The following CTNNA3 variants were observed in gnomAD, a reference collection of about 807,000 sequenced individuals.
The protein encoded by CTNNA3 is catenin alpha 3, also known as catenin alpha-3.
A neutral mutation model predicts 95.7 loss-of-function variants in CTNNA3; 76 were observed. The ratio of observed to expected loss-of-function variants is 0.79; its 90% CI spans 0.66 to 0.96. CTNNA3 has a LOEUF of 0.96. Ranked by LOEUF, CTNNA3 falls within the 40% of genes least tolerant of loss-of-function variation. CTNNA3 has a pLI of 0.00. For missense variants in CTNNA3, 1,191 were observed against 1,089.8 expected, an observed-to-expected ratio of 1.09 and a Z score of -1.31; for synonymous variants, 431 against 374.4, an observed-to-expected ratio of 1.15 and a Z score of -1.74.
At chr10:67,499,276 A>G (rs748879125) in intron 5 of CTNNA3, among the ~76,000 whole-genome samples, 2 of 152,218 alleles carry the variant, frequency 1.3e-5, no homozygotes, top group Non-Finnish European at 2.9e-5. Flanking sequence ...CATCCCAGGT[A>G]TGAAGCCGAC....
chr10:66,399,396 AG>A (rs1362569931), intron 11 of CTNNA3, among the ~76,000 whole-genome samples: 1 of 151,932 alleles, frequency 6.6e-6, no homozygotes, highest in Non-Finnish European at 1.5e-5. Flanking sequence ...AAACCACAAG[AG>A]ATATATAATA....
intron 13 of CTNNA3, among the ~76,000 whole-genome samples, chr10:66,155,413 T>C (rs1010111693): frequency 2.0e-5 from 3 of 151,826 alleles, no homozygotes; most frequent in Non-Finnish European, 2.9e-5. Context: ...TAAACTAAAC[T>C]TCATGTCACA....
chr10:66,047,231 C>CA (rs904820622), intron 15 of CTNNA3, among the ~76,000 whole-genome samples: 3 of 152,124 alleles, frequency 2.0e-5, no homozygotes, highest in African/African-American at 7.2e-5. Context: ...AAATCCTCAA[C>CA]AAAATACTTG....
intron 5 of CTNNA3, among the ~76,000 whole-genome samples, chr10:67,323,012 A>T (rs1841387862): frequency 6.6e-6 from 1 of 152,084 alleles, no homozygotes; most frequent in African/African-American, 2.4e-5. Flanking sequence ...GGCCACATGT[A>T]TGTCTTATTT....
intron 5 of CTNNA3, among the ~76,000 whole-genome samples, chr10:67,234,503 G>C (rs1865364704): frequency 1.3e-5 from 2 of 152,118 alleles, no homozygotes; most frequent in African/African-American, 4.8e-5. Flanking sequence ...GGTATTGATG[G>C]GGCGTATTTC....
At chr10:67,101,362 TA>T (rs1858327243) in intron 7 of CTNNA3, among the ~76,000 whole-genome samples, 1 of 151,794 alleles carries the variant, frequency 6.6e-6, no homozygotes, top group Non-Finnish European at 1.5e-5. Flanking sequence ...AAGACTTACA[TA>T]AAATTCTTTT....
intron 12 of CTNNA3, among the ~76,000 whole-genome samples, chr10:66,319,936 G>C (rs1435775675): frequency 1.3e-5 from 2 of 152,058 alleles, no homozygotes; most frequent in East Asian, 3.9e-4. Flanking sequence ...TTAATACTGA[G>C]AGAAAACTAT....
chr10:66,614,983 T>C (rs2132296392), intron 10 of CTNNA3, among the ~76,000 whole-genome samples: 1 of 152,052 alleles, frequency 6.6e-6, no homozygotes, highest in Non-Finnish European at 1.5e-5. Flanking sequence ...TTCTTCTACT[T>C]CTCAATAATG....
At chr10:66,473,607 C>T (rs554259485) in intron 11 of CTNNA3, among the ~76,000 whole-genome samples, 7 of 151,932 alleles carry the variant, frequency 4.6e-5, no homozygotes, top group African/African-American at 1.7e-4. Flanking sequence ...AGTTGGTGTG[C>T]TGCACCCATT....
chr10:66,413,318 T>G (rs967429804), intron 11 of CTNNA3, among the ~76,000 whole-genome samples: 13 of 152,178 alleles, frequency 8.5e-5, no homozygotes, highest in African/African-American at 2.7e-4. Flanking sequence ...AGAACCTACA[T>G]TTTTAAAAGA....
At chr10:66,949,461 G>A (rs1302339853) in intron 7 of CTNNA3, among the ~76,000 whole-genome samples, 2 of 152,056 alleles carry the variant, frequency 1.3e-5, no homozygotes, top group African/African-American at 4.8e-5. Context: ...GGGAGGCTGA[G>A]GCAGGAGAAT....
chr10:66,971,225 A>G (rs1849703062), intron 7 of CTNNA3, among the ~76,000 whole-genome samples: 1 of 152,112 alleles, frequency 6.6e-6, no homozygotes, highest in Admixed American at 6.6e-5. Flanking sequence ...CAGGAGTTCA[A>G]GACCAGCCTG....
chr10:66,053,435 G>T (rs908803112), intron 15 of CTNNA3, among the ~76,000 whole-genome samples: 3 of 151,790 alleles, frequency 2.0e-5, no homozygotes, highest in Admixed American at 6.6e-5. Context: ...TTTCATATGG[G>T]CATGCGATGT....
intron 2 of CTNNA3, among the ~76,000 whole-genome samples, chr10:67,628,533 C>A (rs1331970480): frequency 1.3e-5 from 2 of 152,052 alleles, no homozygotes; most frequent in Admixed American, 6.6e-5. Context: ...GGGATTTTCC[C>A]AAAGACCCCT....
chr10:66,780,467 C>G (rs937571251), intron 7 of CTNNA3, among the ~76,000 whole-genome samples: 3 of 152,080 alleles, frequency 2.0e-5, no homozygotes, highest in African/African-American at 7.2e-5. Context: ...AGAGAACAAT[C>G]TAGGCTGATG....
chr10:66,068,105 T>C (rs1445335600), intron 15 of CTNNA3, among the ~76,000 whole-genome samples: 1 of 152,192 alleles, frequency 6.6e-6, no homozygotes, highest in Non-Finnish European at 1.5e-5. Flanking sequence ...ACCAAGCCTA[T>C]TTTAAAAGTT....
intron 12 of CTNNA3, among the ~76,000 whole-genome samples, chr10:66,360,295 T>G (rs2092644326): frequency 6.7e-6 from 1 of 150,288 alleles, no homozygotes; most frequent in Non-Finnish European, 1.5e-5. Context: ...TCCACGTGTT[T>G]GGGAAAGAGG....
At chr10:66,673,510 G>A (rs1364682932) in intron 9 of CTNNA3, among the ~76,000 whole-genome samples, 1 of 151,912 alleles carries the variant, frequency 6.6e-6, no homozygotes, top group Non-Finnish European at 1.5e-5. Flanking sequence ...AATACACCAG[G>A]CTTGCTCCAA....
At chr10:66,322,841 C>T (rs890788969) in intron 12 of CTNNA3, among the ~76,000 whole-genome samples, 17 of 152,034 alleles carry the variant, frequency 1.1e-4, no homozygotes, top group South Asian at 4.2e-4. Context: ...CTAGATACAC[C>T]GCTCCCCAGG....
Sources: gnomAD v4.1 joint callset for allele counts (sites outside exome capture counted in the v4.1 genomes callset) on GRCh38, gnomAD v4.1.1 for gene constraint, MANE v1.5 for transcripts, NCBI Gene and HGNC (gene_info 2026-07-23, HGNC 2026-07-21) for gene names.